DIS3: variants seen among roughly 807,000 people sequenced by gnomAD.
DIS3 encodes the protein exosome complex exonuclease RRP44.
DIS3 carries 103 observed loss-of-function variants against 113.0 expected under a neutral mutation model. That is an observed-to-expected ratio of 0.91 (90% CI 0.78 to 1.07). The LOEUF (loss-of-function observed/expected upper bound fraction) is 1.07. Ranked by LOEUF, DIS3 falls within the 50% of genes least tolerant of loss-of-function variation. The probability of loss-of-function intolerance (pLI) is 0.00; values close to 1 mark genes in which losing one functional copy is unlikely to be tolerated. For synonymous variants in DIS3, 402 were observed against 394.3 expected, an observed-to-expected ratio of 1.02 and a Z score of -0.23; for missense variants, 1,121 against 1,167.1, an observed-to-expected ratio of 0.96 and a Z score of 0.58.
At chr13:72,761,847 G>A (rs969104160) in intron 17 of DIS3, 33 bp from the exon 18 acceptor site, 1 of 1,611,264 alleles carries the variant, frequency 6.2e-7, no homozygotes, top group Non-Finnish European at 8.5e-7. Context: ...ACCATGGTAT[G>A]TCAGTACTAA....
At position 72,758,493 on chromosome 13, in the gene DIS3, C is replaced by A. The variant is rs568993563; in HGVS notation, c.*1302G>T. On this transcript the variant is annotated 3_prime_UTR_variant, in exon 21 of 21. Transcript: ENST00000377767. Reference sequence around the variant, plus strand: ...TTGTGTACTATAGTTGCAATACAGACCATAGCCAACAAAGTCTAAAATGTT... The same window carrying A: ...TTGTGTACTATAGTTGCAATACAGAACATAGCCAACAAAGTCTAAAATGTT... 51 of 208,690 alleles carry A rather than the reference C, an allele frequency of 2.4e-4. No individual in the cohort carries two copies. The East Asian group carries it at 2.5e-3, about 10-fold the overall frequency. 12.9% of individuals were successfully genotyped at this position (208,690 alleles called of 1,614,324 possible).
intron 13 of DIS3, among the ~76,000 whole-genome samples, chr13:72,770,543 G>T (rs1410168670): frequency 6.6e-6 from 1 of 152,202 alleles, no homozygotes; most frequent in Non-Finnish European, 1.5e-5. Context: ...GCTGGGTCAA[G>T]AAAGCTGGCA....
rs2033299122 is a variant in DIS3 at position 72,752,331 on chromosome 13, G to C, written c.*7464C>G. The C allele has an allele frequency of 6.6e-6, 1 of 152,148 alleles. No homozygotes were observed. Among genetic ancestry groups the C allele is most frequent in the Non-Finnish European group, 1.5e-5 (1 of 68,042 alleles). 9.4% of individuals were successfully genotyped at this position (152,148 alleles called of 1,614,324 possible). ...GCCTGTGGGGGATAACAAGGTATCT[G>C]TTGCCTGGTTGGTACATATTAGGCA... On this transcript the variant is annotated 3_prime_UTR_variant, in exon 21 of 21. Coordinates refer to ENST00000377767, the MANE Select transcript of DIS3 (RefSeq NM_014953.5).
chr13:72,778,339 T>A lies in DIS3; in HGVS notation c.428A>T (p.Asp143Val), dbSNP rs765842209. The change falls in exon 3 of 21, where the codon GAC becomes GTC. Residue 143 changes from aspartate to valine, a missense_variant. Physicochemically the swap from Asp to Val is radical, Grantham distance 152 (BLOSUM62 -3). Coordinates refer to ENST00000377767, the MANE Select transcript of DIS3 (RefSeq NM_014953.5). The part of the protein sequence containing the change: ...VEQEQGENAN[D>V]RNDRAIRVAA... ...TACTCGAATCGCTCTATCATTCCTG[T>A]CATTAGCATTTTCTCCCTGTTCTTG... 1.3e-6 allele frequency: 2 copies of A among 1,586,782 alleles called. No homozygotes were observed. Among genetic ancestry groups the A allele is most frequent in the Non-Finnish European group, 1.7e-6 (2 of 1,159,318 alleles).
chr13:72,768,986 T>C (rs2033822214), intron 13 of DIS3, 74 bp from the exon 14 acceptor site: 4 of 945,496 alleles, frequency 4.2e-6, no homozygotes, highest in Non-Finnish European at 4.7e-6. Context: ...CCTCCTACTT[T>C]CACTACATAA....
chr13:72,780,794 G>A (rs2034170172), intron 2 of DIS3, 52 bp downstream of exon 2: 1 of 1,522,068 alleles, frequency 6.6e-7, no homozygotes, highest in South Asian at 1.3e-5. Flanking sequence ...ACCCTCTCCC[G>A]AATTTTGCTA....
At chr13:72,765,780 G>A (rs529236799) in intron 15 of DIS3, among the ~76,000 whole-genome samples, 192 bp downstream of exon 15, 97 of 152,068 alleles carry the variant, frequency 6.4e-4, no homozygotes, top group Non-Finnish European at 1.1e-3. Flanking sequence ...TCTATTATGC[G>A]ACTAAACGCA....
intron 18 of DIS3, 45 bp from the exon 19 acceptor site, chr13:72,761,566 T>C (rs1288539512): frequency 6.6e-7 from 1 of 1,525,504 alleles, no homozygotes; most frequent in African/African-American, 1.4e-5. Context: ...TAAAAATTTT[T>C]AAATAAACAA....
At position 72,755,659 on chromosome 13, in the gene DIS3, GATATAA is replaced by G. The variant is rs1230260344; in HGVS notation, c.*4130_*4135del. ...TTATAACCTATGTGAAGAAATCTTAGATATAAAACTAACTTTTCAAAGATACAAAAG... is the reference window on the plus strand; with the variant it reads ...TTATAACCTATGTGAAGAAATCTTAGAACTAACTTTTCAAAGATACAAAAG... On this transcript the variant is annotated 3_prime_UTR_variant, in exon 21 of 21. Transcript: ENST00000377767. 2.6e-6 allele frequency: 1 copy of G among 385,422 alleles called. No homozygotes were observed. Among genetic ancestry groups the G allele is most frequent in the Non-Finnish European group, 4.6e-6 (1 of 218,458 alleles). The allele number at this position is 385,422 out of a possible 1,614,324, so 23.9% of individuals were successfully genotyped here.
chr13:72,762,987 A>ATAGGG (rs2033662131), intron 16 of DIS3, among the ~76,000 whole-genome samples: 1 of 152,152 alleles, frequency 6.6e-6, no homozygotes, highest in African/African-American at 2.4e-5. Flanking sequence ...CAGCTTTAGC[A>ATAGGG]TAGGGTGCTC....
chr13:72,767,031 T>C (rs539298457), intron 14 of DIS3, among the ~76,000 whole-genome samples: 1 of 152,302 alleles, frequency 6.6e-6, no homozygotes, highest in East Asian at 1.9e-4. Context: ...GTCTGATATG[T>C]ATTTATTAAT....
Position 72,777,430 on chromosome 13 carries a change from GACAA to G in DIS3, c.640_643del (p.Ser215LysfsTer6). On this transcript the variant is annotated frameshift_variant, in exon 4 of 21. Transcript: ENST00000377767. LOFTEE classifies it high-confidence loss of function. ...AAAACAAAAACATACCCCTTCTTCA[GACAA>G]ACAAGCAAGACGATCTATGAGTTCG... is the stretch of plus-strand genomic sequence containing the variant. The G allele has an allele frequency of 6.2e-7, 1 of 1,613,874 alleles. No individual in the cohort carries two copies. Among genetic ancestry groups the G allele is most frequent in the South Asian group, 1.1e-5 (1 of 91,054 alleles).
rs2033317268 is a variant in DIS3, at chr13:72,752,937, T to C, written c.*6858A>G. The C allele has an allele frequency of 6.6e-6, 1 of 152,202 alleles. No individual in the cohort carries two copies. The highest frequency in any genetic ancestry group is 2.4e-5 in the African/African-American group (1 of 41,460). 9.4% of individuals were successfully genotyped at this position (152,202 alleles called of 1,614,324 possible). A position where few individuals can be genotyped will look rare whatever the true frequency, so the allele number is the denominator to read the frequency against. ...TGGTGCTCAGCATTATACAGGTAAA[T>C]GGAGCGTTGTGCAGTGAACAGAACC... On this transcript the variant is annotated 3_prime_UTR_variant, in exon 21 of 21. Coordinates refer to ENST00000377767, the MANE Select transcript of DIS3 (RefSeq NM_014953.5).
intron 4 of DIS3, among the ~76,000 whole-genome samples, chr13:72,776,682 C>A (rs1258131012): frequency 6.6e-6 from 1 of 152,132 alleles, no homozygotes. Context: ...TATAACAACA[C>A]TATGAAGTTA....
At chr13:72,765,931 TA>T in intron 15 of DIS3, 40 bp downstream of exon 15, 1 of 1,432,660 alleles carries the variant, frequency 7.0e-7, no homozygotes, top group Non-Finnish European at 9.6e-7. Context: ...ACAATTAAAA[TA>T]AAAAAATCTT....
Position 72,765,952 on chromosome 13 carries a change from C to A in DIS3, c.1970+20G>T. The A allele has an allele frequency of 6.4e-7, 1 of 1,561,116 alleles. No homozygotes were observed. Among genetic ancestry groups the A allele is most frequent in the South Asian group, 1.2e-5 (1 of 82,764 alleles). ...AAAATAAAAAAATCTTATCTAATGC[C>A]CATCAAAAAAATTACAAACCTAAGT... On this transcript the variant is annotated intron_variant, in intron 15 of 20. Coordinates refer to ENST00000377767, the MANE Select transcript of DIS3 (RefSeq NM_014953.5).
chr13:72,781,500 G>C (rs1320769920), intron 1 of DIS3, 105 bp downstream of exon 1: 1 of 1,422,636 alleles, frequency 7.0e-7, no homozygotes, highest in African/African-American at 1.4e-5. Context: ...CCTTTCGCTA[G>C]GTATGTGACA....
In DIS3 at chr13:72,781,702, T is replaced by C; in HGVS notation, c.131A>G (p.Glu44Gly). 6.4e-7 allele frequency: 1 copy of C among 1,564,122 alleles called. No homozygotes were observed. Among genetic ancestry groups the C allele is most frequent in the Non-Finnish European group, 8.7e-7 (1 of 1,155,578 alleles). The change falls in exon 1 of 21, where the codon GAG (glutamate) becomes GGG (glycine). Residue 44 changes from glutamate (E) to glycine (G), a missense_variant. Coordinates refer to ENST00000377767, the MANE Select transcript of DIS3 (RefSeq NM_014953.5). Reference sequence around the variant, plus strand: ...GGGCTGCGGCTCCAGGGCCGGCCCCTCGTGCGCCCCTCCACACGCTGCGCA... The same window carrying C: ...GGGCTGCGGCTCCAGGGCCGGCCCCCCGTGCGCCCCTCCACACGCTGCGCA... ...PGCAACGGAH[E>G]GPALEPQPQD...
At chr13:72,779,776 G>T (rs985461032) in intron 2 of DIS3, among the ~76,000 whole-genome samples, 1 of 151,548 alleles carries the variant, frequency 6.6e-6, no homozygotes, top group South Asian at 2.1e-4. Context: ...GTGGTGGGGG[G>T]GGTAAGGGGT....
Sources: allele counts gnomAD v4.1 joint callset (sites outside exome capture counted in the v4.1 genomes callset), GRCh38; gene constraint gnomAD v4.1.1; transcripts MANE v1.5; gene names NCBI Gene and HGNC (gene_info 2026-07-23, HGNC 2026-07-21).